The following CACNA2D3 variants were observed in gnomAD, a reference collection of about 807,000 sequenced individuals.
CACNA2D3 encodes the protein voltage-dependent calcium channel subunit alpha-2/delta-3.
In CACNA2D3, 60 loss-of-function variants were observed where a neutral mutation model predicts 160.6. The ratio of observed to expected loss-of-function variants is 0.37; its 90% CI spans 0.30 to 0.46. The LOEUF is 0.46. Ranked by LOEUF, CACNA2D3 falls within the 20% of genes least tolerant of loss-of-function variation. CACNA2D3 has a pLI of 1.00. For missense variants in CACNA2D3, 1,205 were observed against 1,365.0 expected, an observed-to-expected ratio of 0.88 and a Z score of 1.85; for synonymous variants, 558 against 492.9, an observed-to-expected ratio of 1.13 and a Z score of -1.75.
At chr3:54,589,058 G>A (rs1005623463) in intron 9 of CACNA2D3, among the ~76,000 whole-genome samples, 2 of 151,914 alleles carry the variant, frequency 1.3e-5, no homozygotes, top group Admixed American at 6.6e-5. Context: ...ACAGTCCCTA[G>A]AATAGTAAGA....
intron 3 of CACNA2D3, among the ~76,000 whole-genome samples, chr3:54,339,898 G>A (rs1167170989): frequency 2.6e-5 from 4 of 152,122 alleles, no homozygotes; most frequent in African/African-American, 9.6e-5. Context: ...ATTTTCTTGT[G>A]ACTTTAAAGA....
Position 54,972,876 on chromosome 3 carries a change from T to G in CACNA2D3, c.2556+3032T>G, listed in dbSNP as rs57156982. On this transcript the variant is annotated intron_variant, in intron 29 of 37. Transcript: ENST00000474759. ...TTGAGGCAACAGTTCACACACTCAT[T>G]TCTTCCTTCAAGACATCTTTACCGA... Among the ~76,000 whole-genome samples the G allele has an allele frequency of 2.1e-3, 320 of 152,292 alleles. 3 individuals carry two copies. The highest frequency in any genetic ancestry group is 7.5e-3 in the African/African-American group (310 of 41,562).
chr3:54,186,210 G>A (rs1013638378), intron 2 of CACNA2D3, among the ~76,000 whole-genome samples: 1 of 152,192 alleles, frequency 6.6e-6, no homozygotes, highest in Non-Finnish European at 1.5e-5. Context: ...TGAATATGAT[G>A]TTGCAATAAC....
intron 11 of CACNA2D3, among the ~76,000 whole-genome samples, chr3:54,687,140 T>TTTTTTTTTTTG: frequency 1.4e-5 from 1 of 69,668 alleles, no homozygotes; most frequent in Non-Finnish European, 3.2e-5. Context: ...TTTTTGTTTT[T>TTTTTTTTTTTG]TTTTTTTTTT....
At chr3:54,829,577 G>T (rs1414744802) in intron 14 of CACNA2D3, among the ~76,000 whole-genome samples, 2 of 152,120 alleles carry the variant, frequency 1.3e-5, no homozygotes, top group Non-Finnish European at 2.9e-5. Context: ...TGTACAGAGA[G>T]CTGTTCTGAT....
chr3:54,122,864 G>T (rs1294864492), intron 1 of CACNA2D3, 29 bp downstream of exon 1: 13 of 1,221,196 alleles, frequency 1.1e-5, no homozygotes, highest in Non-Finnish European at 1.3e-5. Context: ...GCCGCCCGGG[G>T]AGGGGACCTT....
At chr3:54,290,919 G>A (rs993286964) in intron 2 of CACNA2D3, among the ~76,000 whole-genome samples, 1 of 151,210 alleles carries the variant, frequency 6.6e-6, no homozygotes, top group African/African-American at 2.4e-5. Context: ...TGGGGTAGCG[G>A]GGGGTGAGGG....
At chr3:54,485,887 C>G (rs148199946) in intron 4 of CACNA2D3, among the ~76,000 whole-genome samples, 1 of 152,164 alleles carries the variant, frequency 6.6e-6, no homozygotes, top group South Asian at 2.1e-4. Context: ...CTCTGACAGA[C>G]TAACAGTGAC....
chr3:54,340,742 C>G (rs1332918199), intron 3 of CACNA2D3, among the ~76,000 whole-genome samples: 3 of 152,160 alleles, frequency 2.0e-5, no homozygotes. Flanking sequence ...ATTTTTTCCC[C>G]TTTCTGTACA....
At chr3:54,965,385 A>C (rs1356181) in intron 27 of CACNA2D3, among the ~76,000 whole-genome samples, 60,910 of 151,902 alleles carry the variant, frequency 0.4, 13,854 homozygotes, top group East Asian at 0.56. Context: ...CCCCTCCCTT[A>C]CTGTTTCCTC....
At chr3:54,173,343 T>C (rs1700610916) in intron 2 of CACNA2D3, among the ~76,000 whole-genome samples, 1 of 152,244 alleles carries the variant, frequency 6.6e-6, no homozygotes, top group Non-Finnish European at 1.5e-5. Flanking sequence ...CTTGTATTAT[T>C]AGCCTTCTCC....
intron 2 of CACNA2D3, among the ~76,000 whole-genome samples, chr3:54,187,807 A>G (rs1033349794): frequency 2.0e-5 from 3 of 152,142 alleles, no homozygotes; most frequent in African/African-American, 7.2e-5. Flanking sequence ...TCATGCTGCT[A>G]TGAGAATCTA....
At chr3:54,311,384 C>T (rs1373342359) in intron 2 of CACNA2D3, among the ~76,000 whole-genome samples, 7 of 152,184 alleles carry the variant, frequency 4.6e-5, no homozygotes, top group African/African-American at 1.7e-4. Flanking sequence ...CGTCTCATTA[C>T]ATTACTAGGC....
intron 3 of CACNA2D3, among the ~76,000 whole-genome samples, chr3:54,369,824 T>C (rs111742309): frequency 9.5e-4 from 145 of 152,324 alleles, no homozygotes; most frequent in African/African-American, 3.2e-3. Flanking sequence ...ACCTCTTATT[T>C]GAAGTCTGGC....
chr3:54,745,904 T>TGACA (rs1346035921), intron 11 of CACNA2D3, among the ~76,000 whole-genome samples: 1 of 152,178 alleles, frequency 6.6e-6, no homozygotes, highest in Non-Finnish European at 1.5e-5. Flanking sequence ...GTCCCTAAGG[T>TGACA]GACAGTCCAT....
chr3:54,260,627 G>T (rs1455825142), intron 2 of CACNA2D3, among the ~76,000 whole-genome samples: 2 of 152,098 alleles, frequency 1.3e-5, no homozygotes, highest in African/African-American at 4.8e-5. Flanking sequence ...GAGCTTCGGG[G>T]GACACATTTA....
intron 4 of CACNA2D3, among the ~76,000 whole-genome samples, chr3:54,402,567 T>C (rs1291852979): frequency 6.6e-6 from 1 of 152,134 alleles, no homozygotes; most frequent in Non-Finnish European, 1.5e-5. Flanking sequence ...GATAAAGGGC[T>C]CAATTCATCA....
chr3:54,841,948 T>A (rs1311178335), intron 16 of CACNA2D3, among the ~76,000 whole-genome samples: 2 of 152,212 alleles, frequency 1.3e-5, no homozygotes, highest in Non-Finnish European at 2.9e-5. Context: ...TTGTGTCCGA[T>A]CTGTTCTCCA....
chr3:54,225,814 C>T (rs990347591), intron 2 of CACNA2D3, among the ~76,000 whole-genome samples: 1 of 151,594 alleles, frequency 6.6e-6, no homozygotes, highest in Admixed American at 6.6e-5. Context: ...TTGATATGCT[C>T]AGCAACTTCA....
Sources: gnomAD v4.1 joint callset for allele counts (sites outside exome capture counted in the v4.1 genomes callset) on GRCh38, gnomAD v4.1.1 for gene constraint, MANE v1.5 for transcripts, NCBI Gene and HGNC (gene_info 2026-07-23, HGNC 2026-07-21) for gene names.